CNOT6L: variants seen among roughly 807,000 people sequenced by gnomAD.
The protein encoded by CNOT6L is CCR4-NOT transcription complex subunit 6 like.
CNOT6L carries 7 observed loss-of-function variants against 64.0 expected under a neutral mutation model. That is an observed-to-expected ratio of 0.11 (90% CI 0.06 to 0.21). The LOEUF (loss-of-function observed/expected upper bound fraction) is 0.21. Ranked by LOEUF, CNOT6L falls within the 10% of genes least tolerant of loss-of-function variation. CNOT6L has a pLI of 1.00. For missense variants in CNOT6L, 245 were observed against 669.0 expected (o/e 0.37, Z 6.99); for synonymous variants, 193 against 243.4 (o/e 0.79, Z 1.93).
intron 1 of CNOT6L, among the ~76,000 whole-genome samples, chr4:77,806,887 C>T (rs1360553186): frequency 6.6e-6 from 1 of 152,172 alleles, no homozygotes; most frequent in Admixed American, 6.6e-5. Flanking sequence ...GATATGATTT[C>T]CATGTCTGTA....
chr4:77,761,193 G>A (rs561411015), intron 4 of CNOT6L, among the ~76,000 whole-genome samples: 12 of 151,800 alleles, frequency 7.9e-5, no homozygotes, highest in Non-Finnish European at 1.2e-4. Flanking sequence ...TACAAGCAAC[G>A]ATGACCAAAA....
chr4:77,769,740 G>C (rs994993696), intron 4 of CNOT6L, among the ~76,000 whole-genome samples: 4 of 151,828 alleles, frequency 2.6e-5, no homozygotes, highest in Non-Finnish European at 4.4e-5. Context: ...TATATTTCAA[G>C]AATAAAACAA....
intron 8 of CNOT6L, among the ~76,000 whole-genome samples, chr4:77,732,258 AAGC>A (rs1245699093): frequency 1.3e-5 from 2 of 152,110 alleles, no homozygotes; most frequent in African/African-American, 4.8e-5. Flanking sequence ...CCAAATTATT[AAGC>A]ATTGTAGAGT....
At chr4:77,760,783 G>A (rs544228441) in intron 4 of CNOT6L, among the ~76,000 whole-genome samples, 61 of 138,266 alleles carry the variant, frequency 4.4e-4, no homozygotes, top group East Asian at 1.7e-3. Flanking sequence ...TGCAAGCTCC[G>A]CCTCCCAGGT....
intron 11 of CNOT6L, among the ~76,000 whole-genome samples, chr4:77,721,045 C>T (rs140798397): frequency 5.3e-5 from 8 of 152,150 alleles, no homozygotes; most frequent in Admixed American, 4.6e-4. Context: ...ACATAGTTAA[C>T]GGTATTATTT....
rs1720879081 is a variant in CNOT6L, at chr4:77,717,571, A to C, written c.*2860T>G. On this transcript the variant is annotated 3_prime_UTR_variant, in exon 12 of 12. Coordinates refer to ENST00000504123, the MANE Select transcript of CNOT6L (RefSeq NM_144571.3). Reference sequence around the variant, plus strand: ...TCTGATAACTAGAAAGTATATGAGCATATATATTTTACTTTCATTGAATAT... The same window carrying C: ...TCTGATAACTAGAAAGTATATGAGCCTATATATTTTACTTTCATTGAATAT... 1 of 152,380 alleles carries C rather than the reference A, an allele frequency of 6.6e-6. No homozygotes were observed. The highest frequency in any genetic ancestry group is 6.6e-5 in the Admixed American group (1 of 15,232). 9.4% of individuals were successfully genotyped at this position (152,380 alleles called of 1,614,324 possible).
Position 77,720,786 on chromosome 4 carries a change from T to G in CNOT6L, c.1456-143A>C, listed in dbSNP as rs1577913078. The G allele has an allele frequency of 4.2e-6, 3 of 709,358 alleles. No homozygotes were observed. In the East Asian group the frequency reaches 8.2e-5, roughly 19 times the overall value. The allele number at this position is 709,358 out of a possible 1,614,324, so 43.9% of individuals were successfully genotyped here. ...AGTGGGTCAAATAAGGCTCAAATAT[T>G]CAATGGGTATTACATGAAATAAAGG... On this transcript the variant is annotated intron_variant, in intron 11 of 11. Transcript: ENST00000504123.
chr4:77,779,234 G>C (rs1728571936), intron 1 of CNOT6L, among the ~76,000 whole-genome samples: 1 of 151,826 alleles, frequency 6.6e-6, no homozygotes, highest in African/African-American at 2.4e-5. Flanking sequence ...CACATAACAT[G>C]TATTTGTGGA....
Position 77,773,291 on chromosome 4 carries a change from T to C in CNOT6L, c.315-125A>G, listed in dbSNP as rs955160737. The C allele has an allele frequency of 8.5e-6, 5 of 588,198 alleles. No homozygotes were observed. The African/African-American group carries it at 9.6e-5, about 11-fold the overall frequency. 36.4% of individuals were successfully genotyped at this position (588,198 alleles called of 1,614,324 possible). On this transcript the variant is annotated intron_variant, in intron 3 of 11. Transcript: ENST00000504123. Reference sequence around the variant, plus strand: ...TGTTTATATTCAAGGCACATTTCTATGTGCTCATCCAAAAACATTGCACAA... The same window carrying C: ...TGTTTATATTCAAGGCACATTTCTACGTGCTCATCCAAAAACATTGCACAA...
chr4:77,722,896 G>GA (rs995461326), intron 11 of CNOT6L, among the ~76,000 whole-genome samples: 1 of 152,012 alleles, frequency 6.6e-6, no homozygotes, highest in Non-Finnish European at 1.5e-5. Context: ...AATAATGTGG[G>GA]AAAATGCACT....
In CNOT6L at chr4:77,817,723, C is replaced by T. The variant is rs1235397552; in HGVS notation, c.5+1581G>A. Among the ~76,000 whole-genome samples, 5 of 152,176 alleles carry T rather than the reference C, an allele frequency of 3.3e-5. No individual in the cohort carries two copies. In the South Asian group the frequency reaches 8.3e-4, roughly 25 times the overall value. On this transcript the variant is annotated intron_variant, in intron 1 of 11. Coordinates refer to ENST00000504123, the MANE Select transcript of CNOT6L (RefSeq NM_144571.3). ...GTAGTGGTAATAGAGAACAGCTCTT[C>T]GCCCCTCCTTCTCTTCCCTCCACTT...
chr4:77,785,023 T>A lies in CNOT6L; in HGVS notation c.6-8631A>T, dbSNP rs72864998. ...TATAAACATAGATGTGCACGCTATC[T>A]GATTTCAAGACTTACTAAAACTACA... On this transcript the variant is annotated intron_variant, in intron 1 of 11. Transcript: ENST00000504123. Among the ~76,000 whole-genome samples, 270 of 152,314 alleles carry A rather than the reference T, an allele frequency of 1.8e-3. 2 individuals carry two copies. The highest frequency in any genetic ancestry group is 5.4e-3 in the African/African-American group (225 of 41,566).
chr4:77,802,098 C>T (rs1731651475), intron 1 of CNOT6L, among the ~76,000 whole-genome samples: 1 of 152,080 alleles, frequency 6.6e-6, no homozygotes, highest in South Asian at 2.1e-4. Context: ...CATTATAATG[C>T]TACTAAGAAG....
At chr4:77,811,799 A>G (rs765863264) in intron 1 of CNOT6L, among the ~76,000 whole-genome samples, 1 of 151,942 alleles carries the variant, frequency 6.6e-6, no homozygotes, top group Non-Finnish European at 1.5e-5. Context: ...AAAGGCTATT[A>G]ATGAAAAACT....
intron 6 of CNOT6L, among the ~76,000 whole-genome samples, chr4:77,745,539 G>A (rs1353919159): frequency 6.6e-6 from 1 of 152,104 alleles, no homozygotes; most frequent in Non-Finnish European, 1.5e-5. Context: ...AGAATCTGTG[G>A]CCCCATAAAC....
At chr4:77,812,865 A>G (rs2110184008) in intron 1 of CNOT6L, among the ~76,000 whole-genome samples, 1 of 152,288 alleles carries the variant, frequency 6.6e-6, no homozygotes, top group South Asian at 2.1e-4. Context: ...AAATAGCCAA[A>G]ACAATCTTGA....
intron 8 of CNOT6L, among the ~76,000 whole-genome samples, chr4:77,732,487 C>G (rs1482346819): frequency 2.0e-5 from 3 of 152,036 alleles, no homozygotes; most frequent in Admixed American, 1.3e-4. Context: ...GCTTTGAAAA[C>G]AGAAGCTAGT....
chr4:77,782,554 T>C (rs1161942336), intron 1 of CNOT6L, among the ~76,000 whole-genome samples: 1 of 151,744 alleles, frequency 6.6e-6, no homozygotes, highest in African/African-American at 2.4e-5. Context: ...TTGCCCAAGC[T>C]GGTCTTGAAC....
intron 5 of CNOT6L, 104 bp downstream of exon 5, chr4:77,756,758 C>T (rs1725621957): frequency 1.5e-6 from 1 of 656,394 alleles, no homozygotes; most frequent in Admixed American, 2.9e-5. Context: ...AACTCCAAAC[C>T]CATAGGCAAT....
Sources: gnomAD v4.1 joint callset for allele counts (sites outside exome capture counted in the v4.1 genomes callset) on GRCh38, gnomAD v4.1.1 for gene constraint, MANE v1.5 for transcripts, NCBI Gene and HGNC (gene_info 2026-07-23, HGNC 2026-07-21) for gene names.